The following TP63 variants were observed in gnomAD, a reference collection of about 807,000 sequenced individuals.
TP63 encodes tumor protein p63.
In TP63, 17 loss-of-function variants were observed where a neutral mutation model predicts 82.8. The ratio of observed to expected loss-of-function variants is 0.21; its 90% CI spans 0.14 to 0.31. The LOEUF (loss-of-function observed/expected upper bound fraction) is 0.31. TP63 is among the 10% of genes least tolerant of loss of function. The pLI is 1.00. For missense variants in TP63, 648 were observed against 895.3 expected, an observed-to-expected ratio of 0.72 and a Z score of 3.52; for synonymous variants, 330 against 321.7, an observed-to-expected ratio of 1.03 and a Z score of -0.28.
chr3:189,814,927 G>A (rs531162205), intron 4 of TP63, among the ~76,000 whole-genome samples: 1 of 152,230 alleles, frequency 6.6e-6, no homozygotes, highest in South Asian at 2.1e-4. Context: ...TTGATTTATT[G>A]CATGTGAACA....
At chr3:189,877,507 A>C (rs1190844666) in intron 10 of TP63, among the ~76,000 whole-genome samples, 1 of 152,190 alleles carries the variant, frequency 6.6e-6, no homozygotes, top group African/African-American at 2.4e-5. Flanking sequence ...GCTAGCTCTT[A>C]CTTTCCTCTG....
At chr3:189,813,497 AT>A (rs1224502978) in intron 4 of TP63, among the ~76,000 whole-genome samples, 8 of 151,908 alleles carry the variant, frequency 5.3e-5, no homozygotes, top group African/African-American at 1.9e-4. Context: ...TGTCTTGATT[AT>A]TGGCCTCACA....
At chr3:189,852,293 C>A (rs1431621165) in intron 4 of TP63, among the ~76,000 whole-genome samples, 2 of 152,134 alleles carry the variant, frequency 1.3e-5, no homozygotes, top group African/African-American at 4.8e-5. Flanking sequence ...TTTTATTTGT[C>A]CAGAACTAAA....
chr3:189,741,992 C>T (rs1721019043), intron 3 of TP63, among the ~76,000 whole-genome samples: 1 of 152,072 alleles, frequency 6.6e-6, no homozygotes, highest in African/African-American at 2.4e-5. Flanking sequence ...CCTGTAATCT[C>T]AGCACTTTGG....
chr3:189,668,158 C>T (rs9985415), intron 1 of TP63, among the ~76,000 whole-genome samples: 51,291 of 151,496 alleles, frequency 0.34, 9,023 homozygotes, highest in Non-Finnish European at 0.38. Flanking sequence ...TAAAACTAAG[C>T]GAATACAAGT....
At chr3:189,864,086 A>G (rs1577134517) in intron 4 of TP63, 146 bp from the exon 5 acceptor site, 3 of 1,000,142 alleles carry the variant, frequency 3.0e-6, no homozygotes, top group Non-Finnish European at 4.7e-6. Context: ...TAACATTGAC[A>G]TACGTCACAT....
intron 1 of TP63, among the ~76,000 whole-genome samples, chr3:189,650,764 G>A (rs756416383): frequency 6.8e-6 from 1 of 147,464 alleles, no homozygotes; most frequent in Non-Finnish European, 1.5e-5. Context: ...ATTGAAACCA[G>A]AAGTGGGGTG....
the TP63 span, among the ~76,000 whole-genome samples, chr3:189,605,142 G>A: frequency 6.6e-6 from 1 of 152,074 alleles, no homozygotes; most frequent in Non-Finnish European, 1.5e-5. Context: ...GTCCTTCTTG[G>A]GGCATAATTT....
At chr3:189,866,536 G>A in intron 5 of TP63, 146 bp from the exon 6 acceptor site, 2 of 712,840 alleles carry the variant, frequency 2.8e-6, no homozygotes, top group South Asian at 3.4e-5. Context: ...CTGGCTATGG[G>A]ATCTGTTCGT....
intron 9 of TP63, among the ~76,000 whole-genome samples, chr3:189,870,927 C>G (rs1273118126): frequency 6.6e-6 from 1 of 152,150 alleles, no homozygotes; most frequent in Non-Finnish European, 1.5e-5. Flanking sequence ...TCTTTGGGTC[C>G]TGACTCTCAG....
intron 4 of TP63, chr3:189,844,168 T>G (rs1560248305): frequency 2.7e-6 from 1 of 368,892 alleles, no homozygotes; most frequent in Non-Finnish European, 5.3e-6. Context: ...ACACTTTTCC[T>G]TTTTCTTTTT....
chr3:189,632,476 T>G (rs11928222), intron 1 of TP63, among the ~76,000 whole-genome samples: 27,446 of 151,976 alleles, frequency 0.18, 2,857 homozygotes, highest in East Asian at 0.45. Flanking sequence ...TGTGAAAGAT[T>G]TGTGATCTTC....
chr3:189,795,386 C>T (rs1725587828), intron 3 of TP63, among the ~76,000 whole-genome samples: 1 of 151,908 alleles, frequency 6.6e-6, no homozygotes, highest in Non-Finnish European at 1.5e-5. Context: ...ATGAGGGGTT[C>T]GTAAATGACT....
At chr3:189,655,893 T>A (rs907911763) in intron 1 of TP63, among the ~76,000 whole-genome samples, 4 of 152,152 alleles carry the variant, frequency 2.6e-5, no homozygotes, top group Non-Finnish European at 5.9e-5. Context: ...GTGGAACTTT[T>A]GTGAAATATA....
chr3:189,831,449 A>T (rs1712317903), intron 4 of TP63, among the ~76,000 whole-genome samples: 1 of 151,882 alleles, frequency 6.6e-6, no homozygotes, highest in Non-Finnish European at 1.5e-5. Context: ...GGTCATTTTC[A>T]TTTCCATGAT....
chr3:189,786,099 C>T (rs561715607), intron 3 of TP63, among the ~76,000 whole-genome samples: 44 of 151,846 alleles, frequency 2.9e-4, no homozygotes, highest in African/African-American at 8.7e-4. Flanking sequence ...CCATTGACAT[C>T]GGTATTTTAT....
At chr3:189,784,122 T>A (rs1477967362) in intron 3 of TP63, among the ~76,000 whole-genome samples, 12 of 152,064 alleles carry the variant, frequency 7.9e-5, no homozygotes, top group African/African-American at 2.9e-4. Context: ...TTTTTTCTTC[T>A]AAATTTCACA....
chr3:189,678,939 G>GT (rs1234528112), intron 1 of TP63, among the ~76,000 whole-genome samples: 1 of 147,100 alleles, frequency 6.8e-6, no homozygotes, highest in Non-Finnish European at 1.5e-5. Context: ...ACTGATTATT[G>GT]TAAGTTGGTT....
chr3:189,757,915 G>A (rs1722306551), intron 3 of TP63, among the ~76,000 whole-genome samples: 1 of 134,686 alleles, frequency 7.4e-6, no homozygotes, highest in Admixed American at 8.6e-5. Flanking sequence ...TTCCCAAAAA[G>A]ACCTCAGGAG....
Sources: allele counts gnomAD v4.1 joint callset (sites outside exome capture counted in the v4.1 genomes callset), GRCh38; gene constraint gnomAD v4.1.1; transcripts MANE v1.5; gene names NCBI Gene and HGNC (gene_info 2026-07-23, HGNC 2026-07-21).